The following VWF variants were observed in gnomAD, a reference collection of about 807,000 sequenced individuals.
VWF encodes the protein von Willebrand factor, also known as Factor VIII related antigen.
Under a neutral mutation model 308.6 loss-of-function variants are expected in VWF, and 176 were observed. That is an observed-to-expected ratio of 0.57 (90% CI 0.50 to 0.65). VWF has a LOEUF of 0.65. Ranked by LOEUF, VWF falls within the 30% of genes least tolerant of loss-of-function variation. The pLI is 0.00. For synonymous variants in VWF, 1,385 were observed against 1,443.4 expected, an observed-to-expected ratio of 0.96 and a Z score of 0.92; for missense variants, 3,146 against 3,648.2, an observed-to-expected ratio of 0.86 and a Z score of 3.55.
chr12:6,043,794 CA>C (rs1944417530), intron 18 of VWF, among the ~76,000 whole-genome samples: 1 of 152,222 alleles, frequency 6.6e-6, no homozygotes. Context: ...ATGAGGAAAA[CA>C]AGTTTCATTG....
intron 6 of VWF, among the ~76,000 whole-genome samples, chr12:6,082,244 C>T (rs1379285140): frequency 6.6e-6 from 1 of 152,012 alleles, no homozygotes; most frequent in Non-Finnish European, 1.5e-5. Context: ...GGATTGCAGG[C>T]GTGAGCCACC....
chr12:6,093,937 G>A (rs1385425960), intron 6 of VWF, among the ~76,000 whole-genome samples: 1 of 152,216 alleles, frequency 6.6e-6, no homozygotes, highest in African/African-American at 2.4e-5. Flanking sequence ...AGGCTACCTT[G>A]TAAGTGGCAA....
chr12:6,007,112 T>C (rs1033313916), intron 34 of VWF, among the ~76,000 whole-genome samples: 4 of 152,096 alleles, frequency 2.6e-5, no homozygotes, highest in Non-Finnish European at 4.4e-5. Context: ...ATGATAAATA[T>C]AGAACAACAT....
At chr12:5,964,023 C>T (rs1011245552) in intron 47 of VWF, among the ~76,000 whole-genome samples, 33 of 151,956 alleles carry the variant, frequency 2.2e-4, no homozygotes, top group South Asian at 1.3e-3. Context: ...CTGGTTAACA[C>T]GGTGAAACCC....
In VWF at chr12:6,110,415, T is replaced by C. The variant is rs747744741; in HGVS notation, c.491A>G (p.Asn164Ser). The change falls in exon 5 of 52, where the codon AAC becomes AGC. Residue 164 changes from asparagine to serine, a missense_variant. This residue lies in a region of VWF where 1,304 missense variants were observed against 1,353.0 expected (regional missense o/e 0.96). Coordinates refer to ENST00000261405, the MANE Select transcript of VWF (RefSeq NM_000552.5). ...GTCATCTTCAGCAAAGATGTTAAAG[T>C]TGCCACACAGCCCGCAGGTCTTGTT... ...YFNKTCGLCG[N>S]FNIFAEDDFM... The C allele has an allele frequency of 1.2e-5, 20 of 1,614,090 alleles. No homozygotes were observed. The highest frequency in any genetic ancestry group is 1.7e-5 in the Admixed American group (1 of 60,004).
intron 10 of VWF, among the ~76,000 whole-genome samples, chr12:6,066,044 C>A (rs1944710397): frequency 6.6e-6 from 1 of 152,228 alleles, no homozygotes; most frequent in Admixed American, 6.5e-5. Context: ...CCAGCCCAGG[C>A]TGACACATCT....
At chr12:6,104,207 A>C (rs1945214628) in intron 5 of VWF, among the ~76,000 whole-genome samples, 1 of 152,190 alleles carries the variant, frequency 6.6e-6, no homozygotes, top group South Asian at 2.1e-4. Flanking sequence ...GAGAAATGCA[A>C]ATTAAAACCA....
chr12:6,124,338 A>G (rs1186671296), intron 1 of VWF, 83 bp downstream of exon 1: 2 of 152,128 alleles, frequency 1.3e-5, no homozygotes, highest in African/African-American at 4.8e-5. Context: ...GCGACAGAGA[A>G]CTCCAGCTCC....
At position 6,019,475 on chromosome 12, in the gene VWF, G is replaced by A. The variant is rs61749395; in HGVS notation, c.3943C>T (p.Arg1315Cys). Residue 1315 changes from arginine to cysteine, a missense_variant, in exon 28 of 52, where the codon CGC becomes TGC. By Grantham distance (180) the Arg-to-Cys change is radical (BLOSUM62 -3). This residue lies in a region of VWF where 853 missense variants were observed against 1,177.8 expected (regional missense o/e 0.72). Transcript: ENST00000261405. The surrounding 1 kb of genome is among the most constrained non-coding windows in gnomAD (Gnocchi z 5.8). ...ERLRISQKWV[R>C]VAVVEYHDGS... ...TCGTGGTACTCCACCACGGCCACGC[G>A]GACCCACTTCTGGGAGATGCGCAGC... The A allele has an allele frequency of 6.2e-7, 1 of 1,613,892 alleles. No homozygotes were observed. The highest frequency in any genetic ancestry group is 8.5e-7 in the Non-Finnish European group (1 of 1,179,850).
intron 19 of VWF, among the ~76,000 whole-genome samples, chr12:6,036,043 T>A (rs534030416): frequency 9.8e-5 from 15 of 152,294 alleles, no homozygotes; most frequent in African/African-American, 3.6e-4. Context: ...CATAAATAAA[T>A]GTCATGTTTA....
At position 6,057,968 on chromosome 12, in the gene VWF, G is replaced by T; in HGVS notation, c.1610C>A (p.Thr537Asn). Residue 537 changes from threonine to asparagine, a missense_variant, in exon 14 of 52, where the codon ACC becomes AAC. Thr to Asn is a moderately conservative substitution (Grantham distance 65, BLOSUM62 0). Coordinates refer to ENST00000261405, the MANE Select transcript of VWF (RefSeq NM_000552.5). ...CCGGGGCTCCGCCAGCCCAGAGGGG[G>T]TAAGGAAGTCGTCGCCCTGGTTGCC... Reference protein sequence around the residue: ...YNGNQGDDFLTPSGLAEPRVE... With the variant: ...YNGNQGDDFLNPSGLAEPRVE... 1.2e-6 allele frequency: 2 copies of T among 1,613,732 alleles called. No individual in the cohort carries two copies. Among genetic ancestry groups the T allele is most frequent in the African/African-American group, 1.3e-5 (1 of 75,066 alleles).
At chr12:5,992,073 G>A in intron 37 of VWF, 55 bp from the exon 38 acceptor site, 2 of 1,526,690 alleles carry the variant, frequency 1.3e-6, no homozygotes, top group South Asian at 1.1e-5. Flanking sequence ...AGAGTGAAAT[G>A]GGCACAGCTG....
chr12:6,034,779 G>A lies in VWF; in HGVS notation c.2594C>T (p.Ala865Val). ...GGCCATGCCGATCGTGGAGCACGTG[G>A]CATCACACACATGGTCTGTGCAGTT... is the stretch of plus-strand genomic sequence containing the variant. ...KWNCTDHVCD[A>V]TCSTIGMAHY... Residue 865 changes from alanine (A) to valine (V), a missense_variant, in exon 20 of 52, where the codon GCC becomes GTC. By Grantham distance (64) the Ala-to-Val change is moderately conservative (BLOSUM62 0). Transcript: ENST00000261405. 2 of 1,614,248 alleles carry A rather than the reference G, an allele frequency of 1.2e-6. No homozygotes were observed. The highest frequency in any genetic ancestry group is 1.7e-6 in the Non-Finnish European group (2 of 1,180,050).
At chr12:6,118,982 C>G (rs1032862363) in intron 3 of VWF, among the ~76,000 whole-genome samples, 24 of 152,364 alleles carry the variant, frequency 1.6e-4, no homozygotes, top group African/African-American at 5.5e-4. Context: ...TGCCCTGGGG[C>G]GCCTCTGGCC....
chr12:6,114,866 T>A (rs1180663115), intron 3 of VWF, among the ~76,000 whole-genome samples: 4 of 152,060 alleles, frequency 2.6e-5, no homozygotes, highest in African/African-American at 9.7e-5. Flanking sequence ...CCAGCCCCCA[T>A]CCACCCAGAG....
intron 5 of VWF, among the ~76,000 whole-genome samples, chr12:6,108,336 C>T (rs3063464): frequency 0.057 from 3,596 of 63,492 alleles, 153 homozygotes; most frequent in African/African-American, 0.17. Flanking sequence ...GAAATATATA[C>T]ACACACACAC....
chr12:6,069,045 TG>T (rs1281261556), intron 10 of VWF, among the ~76,000 whole-genome samples: 2 of 151,646 alleles, frequency 1.3e-5, no homozygotes, highest in Non-Finnish European at 2.9e-5. Flanking sequence ...TTTGTAGCCA[TG>T]GGGTTTCACC....
intron 6 of VWF, among the ~76,000 whole-genome samples, chr12:6,087,960 T>C (rs931608977): frequency 2.0e-5 from 3 of 152,098 alleles, no homozygotes; most frequent in Non-Finnish European, 4.4e-5. Context: ...GAGGTGATCC[T>C]GAGCGAGGAG....
At chr12:5,984,033 CAGACAGAT>C (rs1333627477) in intron 40 of VWF, among the ~76,000 whole-genome samples, 3 of 146,898 alleles carry the variant, frequency 2.0e-5, no homozygotes, top group South Asian at 4.3e-4. Context: ...GACAGACAGA[CAGACAGAT>C]AGATCAATCC....
Sources: gnomAD v4.1 joint callset for allele counts (sites outside exome capture counted in the v4.1 genomes callset) on GRCh38, gnomAD v4.1.1 for gene constraint, gnomAD v4.1.1 regional missense constraint, Gnocchi (gnomAD v3.1) non-coding constraint, MANE v1.5 for transcripts, NCBI Gene and HGNC (gene_info 2026-07-23, HGNC 2026-07-21) for gene names.